The following ARSG variants were observed in gnomAD, a reference collection of about 807,000 sequenced individuals.
ARSG encodes the protein arylsulfatase G.
Under a neutral mutation model 50.5 loss-of-function variants are expected in ARSG, and 37 were observed. That is an observed-to-expected ratio of 0.73 (90% confidence interval 0.56 to 0.96). The LOEUF (loss-of-function observed/expected upper bound fraction) is 0.96. Ranked by LOEUF, ARSG falls within the 50% of genes least tolerant of loss-of-function variation. ARSG has a pLI of 0.00. For missense variants in ARSG, 629 were observed against 675.3 expected (o/e 0.93, Z 0.76); for synonymous variants, 225 against 254.6 (o/e 0.88, Z 1.11).
chr17:68,273,112 CAGA>C (rs2075396041), intron 1 of ARSG, among the ~76,000 whole-genome samples: 1 of 151,474 alleles, frequency 6.6e-6, no homozygotes. Context: ...TTCATATGTG[CAGA>C]AATACAGGAA....
chr17:68,451,008 C>G, the ARSG span: 3 of 1,416,176 alleles, frequency 2.1e-6, no homozygotes, highest in Non-Finnish European at 2.8e-6. Flanking sequence ...TTCTCCGGGT[C>G]TTGCCGGCCA....
intron 2 of ARSG, among the ~76,000 whole-genome samples, chr17:68,310,618 A>G (rs1200638627): frequency 6.6e-6 from 1 of 152,178 alleles, no homozygotes; most frequent in African/African-American, 2.4e-5. Context: ...TTCTGTCTGC[A>G]CTGGGCGAAA....
intron 8 of ARSG, among the ~76,000 whole-genome samples, chr17:68,372,260 TCTAA>T (rs1250232476): frequency 3.9e-5 from 6 of 152,108 alleles, no homozygotes; most frequent in Admixed American, 1.3e-4. Flanking sequence ...GCCAGTTCTA[TCTAA>T]CTGTCATCTA....
chr17:68,424,901 A>G (rs1280952795), downstream of ARSG, among the ~76,000 whole-genome samples: 2 of 152,176 alleles, frequency 1.3e-5, no homozygotes, highest in African/African-American at 4.8e-5. Context: ...ACAAATCAGT[A>G]CTTCCATCTC....
intron 3 of ARSG, among the ~76,000 whole-genome samples, chr17:68,345,634 C>G (rs72839309): frequency 0.059 from 8,960 of 152,252 alleles, 331 homozygotes; most frequent in East Asian, 0.11. Flanking sequence ...AATATCAGAT[C>G]CTTTTACAAC....
At position 68,356,788 on chromosome 17, in the gene ARSG, T is replaced by C; in HGVS notation, c.688T>C (p.Phe230Leu). ...GAAGTATGCTGAGAAAGCAACCCAG[T>C]TCATCCAGCGTGCAAGGTGAGGAGT... ...AQKYAEKATQFIQRASTSGRP... is the reference protein window; with the variant it reads ...AQKYAEKATQLIQRASTSGRP... Residue 230 changes from phenylalanine (F) to leucine (L), a missense_variant, in exon 6 of 12, where the codon TTC becomes CTC. Transcript: ENST00000621439. 1 of 1,614,164 alleles carries C rather than the reference T, an allele frequency of 6.2e-7. No homozygotes were observed. Among genetic ancestry groups the C allele is most frequent in the South Asian group, 1.1e-5 (1 of 91,076 alleles).
chr17:68,425,669 C>T (rs1172163957), downstream of ARSG, among the ~76,000 whole-genome samples: 1 of 152,198 alleles, frequency 6.6e-6, no homozygotes, highest in Non-Finnish European at 1.5e-5. Flanking sequence ...GAAACCATCC[C>T]CTCCAGCACA....
chr17:68,448,974 G>A, the ARSG span, among the ~76,000 whole-genome samples: 13 of 152,168 alleles, frequency 8.5e-5, no homozygotes, highest in East Asian at 9.7e-4. Flanking sequence ...ATTTTTCACC[G>A]CACTGCTTTA....
Position 68,347,060 on chromosome 17 carries a change from T to A in ARSG, c.407-65T>A, listed in dbSNP as rs896296561. 6.3e-6 allele frequency: 10 copies of A among 1,582,590 alleles called. No homozygotes were observed. The Admixed American group carries it at 1.0e-4, about 16-fold the overall frequency. On this transcript the variant is annotated intron_variant, in intron 3 of 11. Transcript: ENST00000621439. ...ATGGAGAGCTGAGTGTGTGATCAGC[T>A]CCTCAGGGGGCTGTGGTACCCCTAT...
At chr17:68,450,355 A>G in the ARSG span, among the ~76,000 whole-genome samples, 23 of 152,132 alleles carry the variant, frequency 1.5e-4, no homozygotes, top group Admixed American at 4.6e-4. Flanking sequence ...AATGAATGAC[A>G]CTATCTAGGG....
At chr17:68,413,167 A>G (rs937928275) in intron 11 of ARSG, among the ~76,000 whole-genome samples, 1 of 152,148 alleles carries the variant, frequency 6.6e-6, no homozygotes, top group African/African-American at 2.4e-5. Flanking sequence ...CTGGTGAGGA[A>G]CTGCGTTCCT....
chr17:68,296,280 T>G (rs2076205085), intron 1 of ARSG, among the ~76,000 whole-genome samples: 1 of 152,168 alleles, frequency 6.6e-6, no homozygotes, highest in African/African-American at 2.4e-5. Flanking sequence ...TTGTTCCACC[T>G]GCCCTGTTCC....
intron 5 of ARSG, among the ~76,000 whole-genome samples, chr17:68,354,790 G>A (rs1244645385): frequency 6.6e-6 from 1 of 150,858 alleles, no homozygotes; most frequent in Non-Finnish European, 1.5e-5. Flanking sequence ...GACTAAGATG[G>A]GAGTTTGAGG....
intron 2 of ARSG, among the ~76,000 whole-genome samples, chr17:68,313,634 C>T (rs149742110): frequency 5.6e-4 from 85 of 150,892 alleles, no homozygotes; most frequent in African/African-American, 1.7e-3. Context: ...TTGAGGGGAA[C>T]GCTGTTCAGT....
the ARSG span, chr17:68,450,711 G>A: frequency 8.8e-6 from 14 of 1,599,096 alleles, no homozygotes; most frequent in East Asian, 3.2e-4. Context: ...GAAACCCTGA[G>A]GGATTTCCCC....
At chr17:68,427,359 T>C (rs1025451019), downstream of ARSG, 4 of 836,308 alleles carry the variant, frequency 4.8e-6, no homozygotes, top group Non-Finnish European at 7.6e-6. Flanking sequence ...GCTCTGTGGG[T>C]TATTTATTTA....
intron 1 of ARSG, among the ~76,000 whole-genome samples, chr17:68,298,651 T>G (rs2076297738): frequency 6.7e-6 from 1 of 150,088 alleles, no homozygotes; most frequent in Non-Finnish European, 1.5e-5. Flanking sequence ...CAACAGAAAT[T>G]TACAAAAATA....
At chr17:68,438,704 G>A in the ARSG span, among the ~76,000 whole-genome samples, 2 of 152,196 alleles carry the variant, frequency 1.3e-5, no homozygotes, top group African/African-American at 2.4e-5. Context: ...TGGTTCAAGC[G>A]ATTCTCCTGT....
At chr17:68,433,620 A>G in the ARSG span, 1 of 1,505,954 alleles carries the variant, frequency 6.6e-7, no homozygotes, top group Admixed American at 1.7e-5. Flanking sequence ...GAGAAATGGG[A>G]GTTATGGCCT....
Sources: gnomAD v4.1 joint callset for allele counts (sites outside exome capture counted in the v4.1 genomes callset) on GRCh38, gnomAD v4.1.1 for gene constraint, MANE v1.5 for transcripts, NCBI Gene and HGNC (gene_info 2026-07-23, HGNC 2026-07-21) for gene names.